ALK: variants seen among roughly 807,000 people sequenced by gnomAD.
ALK encodes the protein ALK tyrosine kinase receptor.
Under a neutral mutation model 163.1 loss-of-function variants are expected in ALK, and 74 were observed. That is an observed-to-expected ratio of 0.45 (90% CI 0.38 to 0.55). The LOEUF (loss-of-function observed/expected upper bound fraction) is 0.55, where lower values mean the gene tolerates loss of function less well. Ranked by LOEUF, ALK falls within the 20% of genes least tolerant of loss-of-function variation. The pLI, the probability that ALK is intolerant of heterozygous loss-of-function variation, is 0.00. For synonymous variants in ALK, 960 were observed against 843.2 expected (o/e 1.14, Z -2.40); for missense variants, 2,063 against 2,105.3 (o/e 0.98, Z 0.39).
chr2:29,365,810 T>C (rs1449172816), intron 5 of ALK, among the ~76,000 whole-genome samples: 3 of 152,212 alleles, frequency 2.0e-5, no homozygotes, highest in Admixed American at 6.5e-5. Flanking sequence ...AGGGCACTGA[T>C]ACCTCTCTCT....
At chr2:29,388,697 C>T (rs1370157320) in intron 4 of ALK, among the ~76,000 whole-genome samples, 1 of 152,218 alleles carries the variant, frequency 6.6e-6, no homozygotes, top group Non-Finnish European at 1.5e-5. Context: ...GAAACCACTG[C>T]TTTCTTCATG....
At chr2:29,894,224 T>C (rs1572477345) in intron 1 of ALK, among the ~76,000 whole-genome samples, 1 of 152,120 alleles carries the variant, frequency 6.6e-6, no homozygotes, top group East Asian at 1.9e-4. Flanking sequence ...GCCTGGCTCA[T>C]GGTAGCCCCC....
chr2:29,221,903 A>G (rs915109214), intron 22 of ALK, among the ~76,000 whole-genome samples: 5 of 152,214 alleles, frequency 3.3e-5, no homozygotes, highest in African/African-American at 1.2e-4. Context: ...TCAAGTCAAA[A>G]GGTGCAGCCA....
chr2:29,516,462 C>T (rs1241970907), intron 4 of ALK, among the ~76,000 whole-genome samples: 1 of 152,170 alleles, frequency 6.6e-6, no homozygotes, highest in African/African-American at 2.4e-5. Flanking sequence ...GATGCTGTTC[C>T]ATCTGGTACA....
At chr2:29,544,886 A>G (rs1673513650) in intron 3 of ALK, among the ~76,000 whole-genome samples, 1 of 152,142 alleles carries the variant, frequency 6.6e-6, no homozygotes, top group Non-Finnish European at 1.5e-5. Context: ...TACTGGGGAG[A>G]AAACCAAGAA....
At chr2:29,408,064 G>A (rs1573327430) in intron 4 of ALK, among the ~76,000 whole-genome samples, 1 of 151,420 alleles carries the variant, frequency 6.6e-6, no homozygotes, top group Non-Finnish European at 1.5e-5. Context: ...TATAGGCAAA[G>A]GTACTCAGGG....
At chr2:29,591,819 C>T (rs1052673699) in intron 3 of ALK, among the ~76,000 whole-genome samples, 4 of 152,004 alleles carry the variant, frequency 2.6e-5, no homozygotes, top group African/African-American at 9.7e-5. Context: ...GAAGCGCCCT[C>T]TAATTCTCGG....
At chr2:29,881,540 G>A (rs1262349307) in intron 1 of ALK, among the ~76,000 whole-genome samples, 1 of 152,148 alleles carries the variant, frequency 6.6e-6, no homozygotes, top group African/African-American at 2.4e-5. Context: ...TGTGGGGCGG[G>A]CCCTCCTGCC....
intron 6 of ALK, among the ~76,000 whole-genome samples, chr2:29,328,032 T>C (rs1474119954): frequency 6.6e-6 from 1 of 152,172 alleles, no homozygotes; most frequent in Non-Finnish European, 1.5e-5. Context: ...GAGGGAAGTC[T>C]GGGCATAGAG....
chr2:29,219,817 C>T (rs995772925), intron 23 of ALK, among the ~76,000 whole-genome samples: 5 of 152,236 alleles, frequency 3.3e-5, no homozygotes, highest in African/African-American at 9.6e-5. Context: ...GGAGCTGGAG[C>T]TTGGGATTCC....
intron 5 of ALK, among the ~76,000 whole-genome samples, chr2:29,376,656 A>G (rs1386002097): frequency 6.6e-6 from 1 of 152,210 alleles, no homozygotes; most frequent in Non-Finnish European, 1.5e-5. Flanking sequence ...TGTGATCTAC[A>G]TTTTACAAGC....
chr2:29,789,745 C>T (rs779298741), intron 1 of ALK, among the ~76,000 whole-genome samples: 2 of 152,100 alleles, frequency 1.3e-5, no homozygotes, highest in East Asian at 1.9e-4. Flanking sequence ...ACCTAAGGAG[C>T]GTTTAAAATC....
intron 2 of ALK, among the ~76,000 whole-genome samples, chr2:29,711,683 G>A (rs1679106992): frequency 6.6e-6 from 1 of 152,126 alleles, no homozygotes; most frequent in Non-Finnish European, 1.5e-5. Flanking sequence ...AAGCACTAAG[G>A]AGCCACCTGC....
intron 1 of ALK, among the ~76,000 whole-genome samples, chr2:29,771,936 C>T (rs189415776): frequency 3.0e-4 from 46 of 152,340 alleles, no homozygotes; most frequent in Admixed American, 7.2e-4. Flanking sequence ...CCTCTGCACT[C>T]TTTCTCAGGA....
intron 1 of ALK, among the ~76,000 whole-genome samples, chr2:29,841,651 A>G (rs1472196141): frequency 6.6e-6 from 1 of 152,206 alleles, no homozygotes; most frequent in African/African-American, 2.4e-5. Context: ...GGGAGTTACA[A>G]TGAACAAGAG....
At chr2:29,797,080 G>A (rs1664336666) in intron 1 of ALK, among the ~76,000 whole-genome samples, 1 of 151,140 alleles carries the variant, frequency 6.6e-6, no homozygotes, top group African/African-American at 2.4e-5. Flanking sequence ...TAAATAATTA[G>A]ATTATAAAAT....
chr2:29,435,804 C>G (rs115305658), intron 4 of ALK, among the ~76,000 whole-genome samples: 1,756 of 152,244 alleles, frequency 0.012, 12 homozygotes, highest in Non-Finnish European at 0.019. Flanking sequence ...ATTTGGTCAC[C>G]TTACCTCCCA....
chr2:29,708,572 C>A (rs1294317401), intron 2 of ALK, among the ~76,000 whole-genome samples: 2 of 152,154 alleles, frequency 1.3e-5, no homozygotes, highest in African/African-American at 4.8e-5. Context: ...ATCTGTGGGG[C>A]AGCAAAACTC....
chr2:29,452,699 C>T (rs924587019), intron 4 of ALK, among the ~76,000 whole-genome samples: 3 of 152,070 alleles, frequency 2.0e-5, no homozygotes, highest in Admixed American at 2.0e-4. Flanking sequence ...CCATCAGTTG[C>T]CACCTCTCCA....
Sources: allele counts gnomAD v4.1 joint callset (sites outside exome capture counted in the v4.1 genomes callset), GRCh38; gene constraint gnomAD v4.1.1; transcripts MANE v1.5; gene names NCBI Gene and HGNC (gene_info 2026-07-23, HGNC 2026-07-21).